The following SCG5 variants were observed in gnomAD, a reference collection of about 807,000 sequenced individuals.
SCG5 encodes neuroendocrine protein 7B2.
Under a neutral mutation model 25.7 loss-of-function variants are expected in SCG5, and 18 were observed. The ratio of observed to expected loss-of-function variants is 0.70; its 90% CI spans 0.48 to 1.04. The LOEUF (loss-of-function observed/expected upper bound fraction) is 1.04. Among genes scored for constraint, SCG5 ranks in the 50% least tolerant of loss-of-function variants. The pLI is 0.00. For synonymous variants in SCG5, 101 were observed against 91.7 expected, an observed-to-expected ratio of 1.10 and a Z score of -0.58; for missense variants, 206 against 259.8, an observed-to-expected ratio of 0.79 and a Z score of 1.42.
chr15:32,689,064 C>A lies in SCG5; in HGVS notation c.490-2646C>A, dbSNP rs185044942. Among the ~76,000 whole-genome samples, 519 of 152,070 alleles carry A rather than the reference C, an allele frequency of 3.4e-3. 1 individual carries two copies. The highest frequency in any genetic ancestry group is 5.7e-3 in the Non-Finnish European group (391 of 68,016). On this transcript the variant is annotated intron_variant, in intron 4 of 5. Coordinates refer to ENST00000300175, the MANE Select transcript of SCG5 (RefSeq NM_001144757.3). ...ACTTTTAACCAACAAATATAACATC[C>A]ATTGATGATGCTTACCAGATTCAAT...
rs2054979193 is a variant in SCG5 at position 32,696,894 on chromosome 15, G to T, written c.*285G>T. On this transcript the variant is annotated 3_prime_UTR_variant, in exon 6 of 6. Transcript: ENST00000300175. ...ACAATAAAAAGCAAGACTATGAAAG[G>T]CTCAGATTTCTTGCAGTTTAAAATG... 1 of 284,106 alleles carries T rather than the reference G, an allele frequency of 3.5e-6. No homozygotes were observed. Among genetic ancestry groups the T allele is most frequent in the African/African-American group, 2.2e-5 (1 of 46,010 alleles). 17.6% of individuals were successfully genotyped at this position (284,106 alleles called of 1,614,324 possible).
chr15:32,651,976 G>C (rs1033994920), intron 2 of SCG5, among the ~76,000 whole-genome samples: 16 of 152,158 alleles, frequency 1.1e-4, no homozygotes, highest in African/African-American at 3.9e-4. Context: ...CACCCTGGGT[G>C]GGTATTGAGA....
intron 2 of SCG5, among the ~76,000 whole-genome samples, chr15:32,672,692 CAGA>C (rs2054452760): frequency 6.6e-6 from 1 of 152,110 alleles, no homozygotes; most frequent in African/African-American, 2.4e-5. Context: ...TGAATGGACG[CAGA>C]AGGCCTCGTG....
At chr15:32,663,119 TACATATATA>T (rs1461443554) in intron 2 of SCG5, among the ~76,000 whole-genome samples, 1 of 146,416 alleles carries the variant, frequency 6.8e-6, no homozygotes, top group African/African-American at 2.5e-5. Flanking sequence ...TATACATATA[TACATATATA>T]ACATATATAA....
intron 2 of SCG5, chr15:32,677,687 C>A (rs954174079): frequency 6.6e-6 from 1 of 152,200 alleles, no homozygotes; most frequent in African/African-American, 2.4e-5. Flanking sequence ...TCTGCGTACA[C>A]CATGATTGTC....
chr15:32,643,872 A>G, intron 2 of SCG5, 54 bp downstream of exon 2: 1 of 1,463,012 alleles, frequency 6.8e-7, no homozygotes, highest in East Asian at 2.3e-5. Context: ...TAAATAATAT[A>G]TTTGCACACT....
chr15:32,692,353 T>A (rs1466072695), intron 5 of SCG5: 1 of 888,606 alleles, frequency 1.1e-6, no homozygotes, highest in Non-Finnish European at 1.3e-6. Flanking sequence ...TTTTTAACCA[T>A]CCCAGGGCTG....
intron 2 of SCG5, among the ~76,000 whole-genome samples, chr15:32,670,379 C>T (rs996919433): frequency 1.3e-5 from 2 of 152,262 alleles, no homozygotes; most frequent in African/African-American, 4.8e-5. Context: ...GGCCAGCCCT[C>T]TGCCCTGAGG....
At chr15:32,657,220 T>TATATATATATATATATATATATG (rs71113464) in intron 2 of SCG5, among the ~76,000 whole-genome samples, 2 of 106,510 alleles carry the variant, frequency 1.9e-5, no homozygotes, top group East Asian at 2.8e-4. Context: ...TATGTATGTA[T>TATATATATATATATATATATATG]TTCCAGGTGT....
At chr15:32,674,188 C>A (rs73371054) in intron 2 of SCG5, among the ~76,000 whole-genome samples, 5,584 of 152,206 alleles carry the variant, frequency 0.037, 340 homozygotes, top group African/African-American at 0.13. Context: ...GTGGAAAATT[C>A]TCCTTTAAAA....
chr15:32,659,197 A>C (rs557509874), intron 2 of SCG5, among the ~76,000 whole-genome samples: 76 of 149,460 alleles, frequency 5.1e-4, no homozygotes, highest in East Asian at 1.2e-3. Flanking sequence ...AACAAAAAAA[A>C]CCAAAAAAAC....
chr15:32,692,369 G>A (rs1386822989), intron 5 of SCG5: 2 of 724,566 alleles, frequency 2.8e-6, no homozygotes, highest in Non-Finnish European at 3.4e-6. Flanking sequence ...GGCTGCCCAA[G>A]GTAGGAACTT....
At position 32,643,784 on chromosome 15, in the gene SCG5, G is replaced by A. The variant is rs1175946633; in HGVS notation, c.192G>A (p.Gln64=). 2 of 1,613,750 alleles carry A rather than the reference G, an allele frequency of 1.2e-6. No homozygotes were observed. Among genetic ancestry groups the A allele is most frequent in the East Asian group, 2.2e-5 (1 of 44,896 alleles). The part of the protein sequence containing the change: ...ARPRVEYPAH[Q]AMNLVGPQSI... The stretch of plus-strand genomic sequence containing the variant: ...CCCGAGTGGAATATCCAGCTCACCA[G>A]GCCATGAATCTTGTGGGCCCCCAGA... Residue 64 remains glutamine (Q), a synonymous_variant, in exon 2 of 6, where the codon CAG becomes CAA. Coordinates refer to ENST00000300175, the MANE Select transcript of SCG5 (RefSeq NM_001144757.3).
At chr15:32,693,353 T>C (rs2054896904) in intron 5 of SCG5, among the ~76,000 whole-genome samples, 1 of 152,174 alleles carries the variant, frequency 6.6e-6, no homozygotes, top group Admixed American at 6.5e-5. Flanking sequence ...AGCCTCAATT[T>C]CCTCCACATA....
rs777655878 is a variant in SCG5 at position 32,643,573 on chromosome 15, C to A, written c.-7-13C>A. 6.3e-7 allele frequency: 1 copy of A among 1,593,412 alleles called. No homozygotes were observed. The highest frequency in any genetic ancestry group is 8.6e-7 in the Non-Finnish European group (1 of 1,161,234). On this transcript the variant is annotated splice_polypyrimidine_tract_variant and intron_variant, in intron 1 of 5. Coordinates refer to ENST00000300175, the MANE Select transcript of SCG5 (RefSeq NM_001144757.3). ...TGTAGCCTATCAGTATACATTTGGT[C>A]TTTTATCTGCAGGTTGACAATGGTC...
At chr15:32,691,930 T>C (rs1337519832) in intron 5 of SCG5, 167 bp downstream of exon 5, 2 of 1,460,274 alleles carry the variant, frequency 1.4e-6, no homozygotes, top group Non-Finnish European at 1.8e-6. Context: ...AGTCTGTCCT[T>C]GGTTTCTGCG....
At chr15:32,651,315 A>G (rs952281917) in intron 2 of SCG5, among the ~76,000 whole-genome samples, 2 of 152,242 alleles carry the variant, frequency 1.3e-5, no homozygotes, top group Non-Finnish European at 2.9e-5. Context: ...TCAAGTGGAG[A>G]AAGAGTCCTG....
rs1567076494 is a variant in SCG5, at chr15:32,663,073, AT to A, written c.227-16692del. Among the ~76,000 whole-genome samples the A allele has an allele frequency of 5.3e-3, 288 of 54,574 alleles. 5 individuals are homozygous for A. Among genetic ancestry groups the A allele is most frequent in the East Asian group, 0.015 (29 of 1,894 alleles). The allele number at this position is 54,574 out of a possible 152,430, so 35.8% of individuals were successfully genotyped here. On this transcript the variant is annotated intron_variant, in intron 2 of 5. Transcript: ENST00000300175. ...TATATATATATATATATATATATAT[AT>A]ATATAATATATAATATGTTATATAT... is the stretch of plus-strand genomic sequence containing the variant.
At chr15:32,657,556 CTA>C in intron 2 of SCG5, among the ~76,000 whole-genome samples, 1 of 152,134 alleles carries the variant, frequency 6.6e-6, no homozygotes, top group Admixed American at 6.5e-5. Flanking sequence ...GTGAAGGAGA[CTA>C]TGATTCAGCT....
Sources: allele counts gnomAD v4.1 joint callset (sites outside exome capture counted in the v4.1 genomes callset), GRCh38; gene constraint gnomAD v4.1.1; transcripts MANE v1.5; gene names NCBI Gene and HGNC (gene_info 2026-07-23, HGNC 2026-07-21).